LARS2: variants seen among roughly 807,000 people sequenced by gnomAD.
LARS2 encodes the protein leucine--tRNA ligase, mitochondrial.
In LARS2, 81 loss-of-function variants were observed where a neutral mutation model predicts 116.6. The ratio of observed to expected loss-of-function variants is 0.69; its 90% CI spans 0.58 to 0.84. LARS2 has a LOEUF of 0.84. LARS2 is among the 40% of genes least tolerant of loss of function. The pLI is 0.00. For missense variants in LARS2, 968 were observed against 1,114.5 expected (o/e 0.87, Z 1.87); for synonymous variants, 396 against 407.2 (o/e 0.97, Z 0.33).
At chr3:45,485,600 G>T (rs777401797) in intron 10 of LARS2, 92 bp from the exon 11 acceptor site, 11 of 673,056 alleles carry the variant, frequency 1.6e-5, no homozygotes, top group Non-Finnish European at 2.6e-5. Context: ...AGAAGTTCTA[G>T]TGCTTACTTT....
At chr3:45,498,317 T>C (rs549358263) in intron 14 of LARS2, among the ~76,000 whole-genome samples, 224 of 152,354 alleles carry the variant, frequency 1.5e-3, no homozygotes, top group Non-Finnish European at 2.4e-3. Flanking sequence ...GGTGGTTTCC[T>C]GAGTGGATCA....
At chr3:45,519,927 TGTGAGCC>T (rs907833552) in intron 18 of LARS2, 10 of 321,574 alleles carry the variant, frequency 3.1e-5, no homozygotes, top group Non-Finnish European at 5.3e-5. Context: ...GGATTACAGG[TGTGAGCC>T]ACTGTGCCCA....
intron 14 of LARS2, 81 bp from the exon 15 acceptor site, chr3:45,500,361 T>G: frequency 7.8e-7 from 1 of 1,283,172 alleles, no homozygotes; most frequent in Non-Finnish European, 1.1e-6. Flanking sequence ...TCAGGGCATA[T>G]GCATATTACA....
At chr3:45,527,563 G>A (rs1162213270) in intron 20 of LARS2, among the ~76,000 whole-genome samples, 1 of 151,864 alleles carries the variant, frequency 6.6e-6, no homozygotes, top group African/African-American at 2.4e-5. Flanking sequence ...GGTGGAGCTT[G>A]CAGTGAGCCG....
chr3:45,498,926 A>G lies in LARS2; in HGVS notation c.1623-1516A>G, dbSNP rs145639212. Among the ~76,000 whole-genome samples the G allele has an allele frequency of 3.6e-3, 543 of 152,348 alleles. 3 individuals are homozygous for G. The highest frequency in any genetic ancestry group is 0.013 in the African/African-American group (523 of 41,582). The stretch of plus-strand genomic sequence containing the variant: ...TTAAATATGTTGCATCGCATTCAGT[A>G]AGCAATATACAGTCTCTAGCTGAGT... On this transcript the variant is annotated intron_variant, in intron 14 of 21. Coordinates refer to ENST00000645846, the MANE Select transcript of LARS2 (RefSeq NM_015340.4).
In LARS2 at chr3:45,394,588, A is replaced by T. The variant is rs143095137; in HGVS notation, c.135A>T (p.Gly45=). The change falls in exon 3 of 22, where the codon GGA becomes GGT. Residue 45 remains glycine, a synonymous_variant. Transcript: ENST00000645846. ...GCTRSIYSAT[G]KWTKEYTLQT... ...CCAGAAGCATCTACAGTGCCACGGG[A>T]AAGTGGACAAAAGAGTATACATTGC... The T allele has an allele frequency of 3.7e-6, 6 of 1,614,030 alleles. No individual in the cohort carries two copies. In the African/African-American group the frequency reaches 6.7e-5, roughly 18 times the overall value.
In LARS2 at chr3:45,524,093, T is replaced by A. The variant is rs1463597119; in HGVS notation, c.2389T>A (p.Ser797Thr). 1 of 1,610,950 alleles carries A rather than the reference T, an allele frequency of 6.2e-7. No homozygotes were observed. The highest frequency in any genetic ancestry group is 1.7e-5 in the Admixed American group (1 of 60,006). The stretch of plus-strand genomic sequence containing the variant: ...TGCTCCACTGGCCCCTCATGTAACC[T>A]CAGAGATCTGGGCAGGTACGTGGCA... The part of the protein sequence containing the change: ...MAAPLAPHVT[S>T]EIWAGLALVP... The change falls in exon 20 of 22, where the codon TCA becomes ACA. Residue 797 changes from serine to threonine, a missense_variant. Physicochemically the swap from Ser to Thr is moderately conservative, Grantham distance 58. Coordinates refer to ENST00000645846, the MANE Select transcript of LARS2 (RefSeq NM_015340.4).
At chr3:45,532,509 C>CA (rs1182191476) in intron 20 of LARS2, among the ~76,000 whole-genome samples, 2 of 152,000 alleles carry the variant, frequency 1.3e-5, no homozygotes, top group South Asian at 4.1e-4. Context: ...AATCTATTTG[C>CA]AAAAAAATCT....
chr3:45,502,304 A>G (rs1025444514), intron 15 of LARS2, among the ~76,000 whole-genome samples: 9 of 151,876 alleles, frequency 5.9e-5, no homozygotes, highest in African/African-American at 1.9e-4. Flanking sequence ...TTTTTCAGCT[A>G]TATGTATTGC....
At chr3:45,417,840 G>C (rs1360313990) in intron 5 of LARS2, among the ~76,000 whole-genome samples, 1 of 152,074 alleles carries the variant, frequency 6.6e-6, no homozygotes, top group East Asian at 1.9e-4. Context: ...TTTACATTCG[G>C]TAGGAAAAAG....
intron 12 of LARS2, 104 bp downstream of exon 12, chr3:45,488,916 T>C (rs544460859): frequency 5.1e-6 from 4 of 777,406 alleles, no homozygotes; most frequent in East Asian, 4.9e-5. Context: ...CTCGTCCCCA[T>C]ACCTAACAGC....
chr3:45,506,885 G>A (rs1186519394), intron 15 of LARS2: 1 of 152,020 alleles, frequency 6.6e-6, no homozygotes, highest in Non-Finnish European at 1.5e-5. Flanking sequence ...AGTTAGGCTT[G>A]CAGTTTGTAC....
intron 11 of LARS2, among the ~76,000 whole-genome samples, chr3:45,486,351 C>T (rs982758635): frequency 1.3e-5 from 2 of 152,148 alleles, no homozygotes; most frequent in African/African-American, 4.8e-5. Context: ...AATTGGATGT[C>T]CTTGGCAGCC....
At chr3:45,429,892 G>C (rs1356892269) in intron 6 of LARS2, among the ~76,000 whole-genome samples, 2 of 150,876 alleles carry the variant, frequency 1.3e-5, no homozygotes, top group Non-Finnish European at 3.0e-5. Context: ...TTTGGAGATG[G>C]GGTTTTGCCA....
At position 45,547,136 on chromosome 3, in the gene LARS2, C is replaced by T. The variant is rs576661537; in HGVS notation, c.2533-215C>T. ...GGGCACTCACATGCAGTCTCAGTGTCGGTCTCTTTCTGCAGGTCTAGGCAT... is the reference window on the plus strand; with the variant it reads ...GGGCACTCACATGCAGTCTCAGTGTTGGTCTCTTTCTGCAGGTCTAGGCAT... On this transcript the variant is annotated intron_variant, in intron 21 of 21. Transcript: ENST00000645846. 3.3e-5 allele frequency among the ~76,000 whole-genome samples: 5 copies of T among 152,346 alleles called. No individual in the cohort carries two copies. The South Asian group carries it at 6.2e-4, about 19-fold the overall frequency.
Position 45,436,662 on chromosome 3 carries a change from C to T in LARS2, c.517-10229C>T, listed in dbSNP as rs185394757. On this transcript the variant is annotated intron_variant, in intron 6 of 21. Coordinates refer to ENST00000645846, the MANE Select transcript of LARS2 (RefSeq NM_015340.4). Reference sequence around the variant, plus strand: ...ACAAAAAATTAGCCGGGCGCGGTGGCGGGCGCCTGTAGTCCCAGCTACTCG... The same window carrying T: ...ACAAAAAATTAGCCGGGCGCGGTGGTGGGCGCCTGTAGTCCCAGCTACTCG... Among the ~76,000 whole-genome samples the T allele has an allele frequency of 4.8e-3, 736 of 151,810 alleles. 3 individuals are homozygous for T. The highest frequency in any genetic ancestry group is 8.1e-3 in the Admixed American group (124 of 15,284).
chr3:45,448,436 A>G (rs1256712705), intron 7 of LARS2, among the ~76,000 whole-genome samples: 1 of 152,146 alleles, frequency 6.6e-6, no homozygotes, highest in Non-Finnish European at 1.5e-5. Flanking sequence ...CTGCTACAGT[A>G]GTGCCAAGAC....
At chr3:45,506,994 A>G (rs1347866594) in intron 15 of LARS2, 1 of 152,104 alleles carries the variant, frequency 6.6e-6, no homozygotes, top group Non-Finnish European at 1.5e-5. Flanking sequence ...TGAAATACCA[A>G]GTTAATGATT....
At chr3:45,510,025 A>C (rs533389857) in intron 15 of LARS2, among the ~76,000 whole-genome samples, 5 of 152,060 alleles carry the variant, frequency 3.3e-5, no homozygotes, top group African/African-American at 1.2e-4. Flanking sequence ...TGCTGCTGGT[A>C]GGTTTATTCA....
Sources: gnomAD v4.1 joint callset for allele counts (sites outside exome capture counted in the v4.1 genomes callset) on GRCh38, gnomAD v4.1.1 for gene constraint, MANE v1.5 for transcripts, NCBI Gene and HGNC (gene_info 2026-07-23, HGNC 2026-07-21) for gene names.